Variants in EREG observed in about 807,000 individuals in gnomAD.
EREG encodes epiregulin.
A neutral mutation model predicts 22.4 loss-of-function variants in EREG; 23 were observed. That is an observed-to-expected ratio of 1.03 (90% CI 0.74 to 1.46). The LOEUF is 1.46. Among genes scored for constraint, EREG ranks in the 40% most tolerant of loss-of-function variants. EREG has a pLI of 0.00. For missense variants in EREG, 226 were observed against 205.9 expected (o/e 1.10, Z -0.60); for synonymous variants, 100 against 75.4 (o/e 1.33, Z -1.69).
chr4:74,373,623 T>C (rs1356353290), intron 1 of EREG, among the ~76,000 whole-genome samples: 1 of 144,508 alleles, frequency 6.9e-6, no homozygotes, highest in African/African-American at 2.5e-5. Flanking sequence ...TATATGTGAG[T>C]GTATATATAT....
At chr4:74,371,582 A>G (rs989581085) in intron 1 of EREG, among the ~76,000 whole-genome samples, 6 of 152,050 alleles carry the variant, frequency 3.9e-5, no homozygotes, top group African/African-American at 1.2e-4. Flanking sequence ...GTTATTTTCC[A>G]GTTCATACTG....
chr4:74,366,751 T>C (rs773812492), intron 1 of EREG, among the ~76,000 whole-genome samples: 9 of 152,170 alleles, frequency 5.9e-5, no homozygotes, highest in Non-Finnish European at 1.2e-4. Context: ...CCCACTAGTG[T>C]GTGTGTTGTG....
intron 1 of EREG, among the ~76,000 whole-genome samples, chr4:74,373,522 T>C (rs1752328332): frequency 6.6e-6 from 1 of 151,166 alleles, no homozygotes; most frequent in Non-Finnish European, 1.5e-5. Flanking sequence ...TGAAGTGCAG[T>C]TACAAAGCTA....
chr4:74,368,084 C>T (rs1752216345), intron 1 of EREG, among the ~76,000 whole-genome samples: 1 of 152,058 alleles, frequency 6.6e-6, no homozygotes, highest in Non-Finnish European at 1.5e-5. Flanking sequence ...AGGAAAGAGC[C>T]AATGAGATTC....
intron 1 of EREG, among the ~76,000 whole-genome samples, chr4:74,374,970 T>A (rs1176834226): frequency 6.6e-6 from 1 of 152,224 alleles, no homozygotes; most frequent in East Asian, 1.9e-4. Context: ...AAGCGCCAAC[T>A]GCCAATTTTG....
chr4:74,384,494 T>C (rs1752534963), intron 4 of EREG, among the ~76,000 whole-genome samples: 2 of 152,132 alleles, frequency 1.3e-5, no homozygotes, highest in South Asian at 4.1e-4. Flanking sequence ...GTTAAAGACT[T>C]TGAGAAACTC....
chr4:74,377,815 C>T (rs1207838510), intron 1 of EREG, among the ~76,000 whole-genome samples: 1 of 152,178 alleles, frequency 6.6e-6, no homozygotes, highest in African/African-American at 2.4e-5. Context: ...AACTCACTCA[C>T]TATCCTGAGA....
rs538245690 is a variant in EREG at position 74,368,582 on chromosome 4, A to G, written c.67+3207A>G. 1.8e-4 allele frequency among the ~76,000 whole-genome samples: 28 copies of G among 152,338 alleles called. 1 individual carries two copies. The highest frequency in any genetic ancestry group is 6.7e-4 in the African/African-American group (28 of 41,584). ...TAAAAAAAATAACAATACTCATATAATCACTTCGGAGAAACTGAATTTGAA... is the reference window on the plus strand; with the variant it reads ...TAAAAAAAATAACAATACTCATATAGTCACTTCGGAGAAACTGAATTTGAA... On this transcript the variant is annotated intron_variant, in intron 1 of 4. Coordinates refer to ENST00000244869, the MANE Select transcript of EREG (RefSeq NM_001432.3).
chr4:74,382,094 C>G (rs957594343), intron 3 of EREG: 1 of 151,112 alleles, frequency 6.6e-6, no homozygotes, highest in Non-Finnish European at 1.5e-5. Context: ...CACTTGAGGT[C>G]AGGAGTTCCT....
chr4:74,380,874 TC>T, intron 2 of EREG, 139 bp from the exon 3 acceptor site: 1 of 809,988 alleles, frequency 1.2e-6, no homozygotes, highest in Non-Finnish European at 2.0e-6. Flanking sequence ...TAGAGTGACT[TC>T]CTACTTCTCA....
chr4:74,370,771 A>C (rs1752276528), intron 1 of EREG, among the ~76,000 whole-genome samples: 1 of 152,180 alleles, frequency 6.6e-6, no homozygotes, highest in South Asian at 2.1e-4. Flanking sequence ...AAATTAAAGA[A>C]ACCTTAGAGA....
At chr4:74,365,802 A>G (rs1006511520) in intron 1 of EREG, among the ~76,000 whole-genome samples, 2 of 150,886 alleles carry the variant, frequency 1.3e-5, no homozygotes, top group Non-Finnish European at 2.9e-5. Flanking sequence ...TGGAGGGGGG[A>G]AAAAGCTTTT....
rs376673605 is a variant in EREG, at chr4:74,382,770, G to T, written c.404G>T (p.Gly135Val). 8 of 1,612,808 alleles carry T rather than the reference G, an allele frequency of 5.0e-6. No individual in the cohort carries two copies. The highest frequency in any genetic ancestry group is 2.2e-5 in the East Asian group (1 of 44,856). The part of the protein sequence containing the change: ...LIILFLITVV[G>V]STYYFCRWYR... ...ATTTTGTTTCTTATCACAGTCGTCG[G>T]TTCCACATATTATTTCTGCAGATGG... is the stretch of plus-strand genomic sequence containing the variant. The change falls in exon 4 of 5, where the codon GGT becomes GTT. Residue 135 changes from glycine (G) to valine (V), a missense_variant. Physicochemically the swap from Gly to Val is moderately radical, Grantham distance 109. Transcript: ENST00000244869.
chr4:74,375,430 T>G (rs1752364279), intron 1 of EREG, among the ~76,000 whole-genome samples: 1 of 147,150 alleles, frequency 6.8e-6, no homozygotes, highest in South Asian at 2.3e-4. Flanking sequence ...GCCATTCTCC[T>G]GCCTCAGCCG....
rs150312130 is a variant in EREG, at chr4:74,365,308, G to C, written c.-1G>C. 3.9e-5 allele frequency: 62 copies of C among 1,603,798 alleles called. No individual in the cohort carries two copies. Among genetic ancestry groups the C allele is most frequent in the Non-Finnish European group, 2.8e-5 (33 of 1,179,716 alleles). ...AGCCCCAGCGCCCGCTCCCATCGCC[G>C]ATGACCGCGGGGAGGAGGATGGAGA... On this transcript the variant is annotated 5_prime_UTR_variant, in exon 1 of 5. Coordinates refer to ENST00000244869, the MANE Select transcript of EREG (RefSeq NM_001432.3).
chr4:74,381,950 AC>A, intron 3 of EREG: 1 of 128,166 alleles, frequency 7.8e-6, no homozygotes, highest in Admixed American at 9.4e-5. Flanking sequence ...ATGCCACTGT[AC>A]TCCAGCCTGG....
chr4:74,379,363 A>G (rs1284743607), intron 1 of EREG, 85 bp from the exon 2 acceptor site: 7 of 814,718 alleles, frequency 8.6e-6, no homozygotes, highest in African/African-American at 3.4e-5. Context: ...AAACAACTCT[A>G]TAAGTACTGC....
At chr4:74,375,259 C>A (rs1239486717) in intron 1 of EREG, among the ~76,000 whole-genome samples, 2 of 145,164 alleles carry the variant, frequency 1.4e-5, no homozygotes, top group Non-Finnish European at 3.0e-5. Context: ...CATGCTTTAG[C>A]ATTTATTCCC....
chr4:74,381,759 G>C (rs1319947822), intron 3 of EREG: 1 of 143,210 alleles, frequency 7.0e-6, no homozygotes, highest in East Asian at 2.2e-4. Context: ...GGCGGATCAC[G>C]GGGTCAGGAG....
Sources: allele counts gnomAD v4.1 joint callset (sites outside exome capture counted in the v4.1 genomes callset), GRCh38; gene constraint gnomAD v4.1.1; transcripts MANE v1.5; gene names NCBI Gene and HGNC (gene_info 2026-07-23, HGNC 2026-07-21).